The following CPNE4 variants were observed in gnomAD, a reference collection of about 807,000 sequenced individuals.
CPNE4 encodes the protein copine 4, also known as copine-4.
In CPNE4, 25 loss-of-function variants were observed where a neutral mutation model predicts 67.9. The observed-to-expected ratio is 0.37, with a 90% CI of 0.27 to 0.51. CPNE4 has a LOEUF of 0.51. Ranked by LOEUF, CPNE4 falls within the 20% of genes least tolerant of loss-of-function variation. The probability of loss-of-function intolerance (pLI) is 0.93; values close to 1 mark genes in which losing one functional copy is unlikely to be tolerated. For missense variants in CPNE4, 464 were observed against 690.8 expected (o/e 0.67, Z 3.68); for synonymous variants, 242 against 244.9 (o/e 0.99, Z 0.11).
intron 1 of CPNE4, among the ~76,000 whole-genome samples, chr3:131,936,761 C>G (rs904972011): frequency 2.6e-5 from 4 of 151,756 alleles, no homozygotes; most frequent in African/African-American, 9.7e-5. Context: ...GAAACCATCC[C>G]CCTTGTCTTC....
Position 131,804,468 on chromosome 3 carries a change from C to A in CPNE4, c.181-80843G>T, listed in dbSNP as rs567236372. On this transcript the variant is annotated intron_variant, in intron 2 of 15. Transcript: ENST00000429747. ...GAATCCAGCTGTTTTTACTTCATAT[C>A]AGACTGCTTTATATAACCTGATCTG... Among the ~76,000 whole-genome samples, 3 of 152,238 alleles carry A rather than the reference C, an allele frequency of 2.0e-5. No individual in the cohort carries two copies. The East Asian group carries it at 5.8e-4, about 29-fold the overall frequency.
intron 1 of CPNE4, among the ~76,000 whole-genome samples, chr3:131,913,105 C>T (rs1303158383): frequency 6.6e-6 from 1 of 152,056 alleles, no homozygotes; most frequent in African/African-American, 2.4e-5. Flanking sequence ...GCTAGTCAGG[C>T]ATGAGAAGTG....
intron 2 of CPNE4, among the ~76,000 whole-genome samples, chr3:131,816,218 G>A (rs2084736039): frequency 6.6e-6 from 1 of 152,124 alleles, no homozygotes; most frequent in South Asian, 2.1e-4. Context: ...TAGGACAATA[G>A]GTTTTAATAT....
chr3:131,731,521 G>A (rs1022326523), intron 2 of CPNE4, among the ~76,000 whole-genome samples: 1 of 152,078 alleles, frequency 6.6e-6, no homozygotes, highest in African/African-American at 2.4e-5. Flanking sequence ...AATGCTGCGT[G>A]TCCTCTATAG....
At chr3:131,935,374 T>A (rs951538640) in intron 1 of CPNE4, among the ~76,000 whole-genome samples, 24 of 152,170 alleles carry the variant, frequency 1.6e-4, no homozygotes, top group African/African-American at 5.8e-4. Flanking sequence ...ATAGAATCAC[T>A]GTATAGAGAT....
intron 4 of CPNE4, among the ~76,000 whole-genome samples, chr3:131,698,028 G>A (rs1383709508): frequency 1.9e-4 from 29 of 151,822 alleles, no homozygotes. Context: ...TCAGGAGATC[G>A]AGACCATCCT....
intron 2 of CPNE4, among the ~76,000 whole-genome samples, chr3:131,766,094 A>G (rs965310590): frequency 6.6e-6 from 1 of 152,090 alleles, no homozygotes; most frequent in East Asian, 1.9e-4. Context: ...TTCTGACTGC[A>G]CTGTGGTTCA....
intron 1 of CPNE4, among the ~76,000 whole-genome samples, chr3:132,033,419 G>A (rs1358541653): frequency 6.6e-6 from 1 of 151,978 alleles, no homozygotes; most frequent in African/African-American, 2.4e-5. Context: ...GTGTGTGTGT[G>A]TGTGTGTGTA....
intron 2 of CPNE4, among the ~76,000 whole-genome samples, chr3:131,901,291 A>T (rs922840169): frequency 6.6e-6 from 1 of 152,022 alleles, no homozygotes; most frequent in Admixed American, 6.6e-5. Flanking sequence ...TATTATTTCC[A>T]CTCCTCGATG....
At chr3:131,601,822 G>A (rs1363728531) in intron 7 of CPNE4, among the ~76,000 whole-genome samples, 1 of 152,146 alleles carries the variant, frequency 6.6e-6, no homozygotes, top group Non-Finnish European at 1.5e-5. Flanking sequence ...TAGGACTCGT[G>A]CTATGCTTTG....
chr3:131,596,165 T>TAAATAAAC (rs1559957372), intron 7 of CPNE4, among the ~76,000 whole-genome samples: 1 of 150,354 alleles, frequency 6.7e-6, no homozygotes, highest in African/African-American at 2.5e-5. Flanking sequence ...AACAAACAAA[T>TAAATAAAC]AAATAAGTAA....
chr3:131,727,528 A>C (rs898995317), intron 2 of CPNE4, among the ~76,000 whole-genome samples: 1 of 152,128 alleles, frequency 6.6e-6, no homozygotes, highest in African/African-American at 2.4e-5. Flanking sequence ...AACAACTAAC[A>C]CTTTTGGAAG....
intron 2 of CPNE4, among the ~76,000 whole-genome samples, chr3:131,852,340 T>C (rs2086272991): frequency 6.6e-6 from 1 of 152,070 alleles, no homozygotes; most frequent in Non-Finnish European, 1.5e-5. Flanking sequence ...GTGGGTTTCA[T>C]CTCAGAAACA....
chr3:131,775,624 GTTCTC>G (rs761953281), intron 2 of CPNE4, among the ~76,000 whole-genome samples: 23 of 152,108 alleles, frequency 1.5e-4, no homozygotes, highest in Non-Finnish European at 3.4e-4. Flanking sequence ...CCCCGCACAA[GTTCTC>G]TTCTCTTGTC....
intron 6 of CPNE4, among the ~76,000 whole-genome samples, chr3:131,681,498 G>C (rs1257742113): frequency 6.6e-6 from 1 of 152,172 alleles, no homozygotes; most frequent in African/African-American, 2.4e-5. Flanking sequence ...TGCGTCAGAT[G>C]TATTAGAGCT....
intron 2 of CPNE4, among the ~76,000 whole-genome samples, chr3:131,765,574 C>A (rs76293541): frequency 6.6e-6 from 1 of 152,184 alleles, no homozygotes; most frequent in Non-Finnish European, 1.5e-5. Context: ...CCCTTCACTT[C>A]CCCCATCTTA....
intron 1 of CPNE4, among the ~76,000 whole-genome samples, chr3:131,994,707 C>T (rs1255075643): frequency 1.3e-5 from 2 of 152,138 alleles, no homozygotes; most frequent in Non-Finnish European, 2.9e-5. Flanking sequence ...AAAATAGCAC[C>T]TACTCCTCCC....
chr3:131,607,020 C>T (rs952480571), intron 7 of CPNE4, among the ~76,000 whole-genome samples: 7 of 151,216 alleles, frequency 4.6e-5, no homozygotes, highest in African/African-American at 1.7e-4. Context: ...CTCGATGAAA[C>T]AAGAAAACCA....
intron 2 of CPNE4, among the ~76,000 whole-genome samples, chr3:131,844,766 T>C (rs1404231088): frequency 6.6e-6 from 1 of 152,180 alleles, no homozygotes; most frequent in East Asian, 1.9e-4. Context: ...TCTCTCCCAT[T>C]CCATTTTTAA....
Sources: allele counts gnomAD v4.1 joint callset (sites outside exome capture counted in the v4.1 genomes callset), GRCh38; gene constraint gnomAD v4.1.1; transcripts MANE v1.5; gene names NCBI Gene and HGNC (gene_info 2026-07-23, HGNC 2026-07-21).